Variants in SYN3 observed in about 807,000 individuals in gnomAD.
SYN3 encodes the protein synapsin-3.
Under a neutral mutation model 65.8 loss-of-function variants are expected in SYN3, and 35 were observed. That is an observed-to-expected ratio of 0.53 (90% confidence interval 0.41 to 0.70). The LOEUF (loss-of-function observed/expected upper bound fraction) is 0.70. Ranked by LOEUF, SYN3 falls within the 30% of genes least tolerant of loss-of-function variation. SYN3 has a pLI of 0.00. For missense variants in SYN3, 680 were observed against 749.0 expected (o/e 0.91, Z 1.08); for synonymous variants, 270 against 292.9 (o/e 0.92, Z 0.80).
chr22:32,802,139 C>T (rs2046605157), intron 6 of SYN3: 1 of 1,574,374 alleles, frequency 6.4e-7, no homozygotes, highest in Non-Finnish European at 8.6e-7. Context: ...GCTCCTGGTG[C>T]CCCGCCCGAG....
At chr22:32,609,826 C>A (rs543122708) in intron 6 of SYN3, among the ~76,000 whole-genome samples, 176 of 152,134 alleles carry the variant, frequency 1.2e-3, no homozygotes, top group Non-Finnish European at 2.0e-3. Flanking sequence ...TCTTGCATAA[C>A]CTTTTAATGT....
chr22:33,055,502 C>G (rs551777780), intron 1 of SYN3, among the ~76,000 whole-genome samples: 5 of 152,314 alleles, frequency 3.3e-5, no homozygotes, highest in Admixed American at 2.6e-4. Context: ...TTAAGCACAT[C>G]CACCCTTCAT....
At chr22:32,542,306 G>T (rs1048725571) in intron 7 of SYN3, among the ~76,000 whole-genome samples, 1 of 152,172 alleles carries the variant, frequency 6.6e-6, no homozygotes, top group Non-Finnish European at 1.5e-5. Context: ...GAGCGTGCAT[G>T]TGTGCATGGT....
At chr22:32,882,200 C>T (rs2049161511) in intron 4 of SYN3, among the ~76,000 whole-genome samples, 1 of 152,102 alleles carries the variant, frequency 6.6e-6, no homozygotes, top group Non-Finnish European at 1.5e-5. Context: ...CAGCCTCCTC[C>T]CCTGCCCATC....
At chr22:32,614,269 A>G (rs2059484758) in intron 6 of SYN3, among the ~76,000 whole-genome samples, 1 of 152,216 alleles carries the variant, frequency 6.6e-6, no homozygotes, top group Admixed American at 6.5e-5. Flanking sequence ...GCAGGGGTTT[A>G]ATGGGCTACC....
chr22:32,671,721 TCA>T (rs1473088313), intron 6 of SYN3, among the ~76,000 whole-genome samples: 3 of 143,098 alleles, frequency 2.1e-5, no homozygotes, highest in Admixed American at 1.4e-4. Flanking sequence ...ACACATGCTC[TCA>T]CAGGTACACA....
intron 7 of SYN3, 42 bp from the exon 8 acceptor site, chr22:32,541,755 G>T (rs1339512786): frequency 1.3e-6 from 2 of 1,594,504 alleles, no homozygotes; most frequent in Non-Finnish European, 1.7e-6. Context: ...CCCACCCCGT[G>T]TTCACTGAGC....
At chr22:32,569,533 A>G (rs1198279302) in intron 7 of SYN3, among the ~76,000 whole-genome samples, 1 of 93,906 alleles carries the variant, frequency 1.1e-5, no homozygotes, top group Non-Finnish European at 1.9e-5. Flanking sequence ...TCTAAAATCA[A>G]TCAATCTCTC....
rs144518420 is a variant in SYN3 at position 32,579,184 on chromosome 22, A to G, written c.774+17490T>C. On this transcript the variant is annotated intron_variant, in intron 7 of 13. Coordinates refer to ENST00000358763, the MANE Select transcript of SYN3 (RefSeq NM_003490.4). ...CATGAAATGTTTGCCAATATATTCA[A>G]TGAACATTTATTGACTCCTTAACTC... Among the ~76,000 whole-genome samples the G allele has an allele frequency of 3.9e-5, 6 of 152,334 alleles. No individual in the cohort carries two copies. The East Asian group carries it at 9.6e-4, about 24-fold the overall frequency.
intron 2 of SYN3, among the ~76,000 whole-genome samples, chr22:32,989,049 T>C (rs949661657): frequency 6.6e-6 from 1 of 152,158 alleles, no homozygotes; most frequent in African/African-American, 2.4e-5. Context: ...CTCTGTAACC[T>C]GCCAAGAATG....
chr22:32,704,588 T>C (rs1309966289), intron 6 of SYN3, among the ~76,000 whole-genome samples: 2 of 152,204 alleles, frequency 1.3e-5, no homozygotes, highest in South Asian at 2.1e-4. Context: ...TACCCAATAA[T>C]GGGATTGTGG....
chr22:33,045,584 C>T (rs980240820), intron 1 of SYN3, among the ~76,000 whole-genome samples: 1 of 149,524 alleles, frequency 6.7e-6, no homozygotes, highest in Admixed American at 6.8e-5. Flanking sequence ...TCTCCTGCCT[C>T]AGCCTCTCCT....
chr22:33,002,097 C>T (rs1490907495), intron 2 of SYN3, among the ~76,000 whole-genome samples: 1 of 152,178 alleles, frequency 6.6e-6, no homozygotes, highest in Non-Finnish European at 1.5e-5. Context: ...CAGACATCAA[C>T]CACTAAGCTC....
At chr22:32,827,631 C>T (rs577115848) in intron 6 of SYN3, among the ~76,000 whole-genome samples, 48 of 152,244 alleles carry the variant, frequency 3.2e-4, no homozygotes, top group African/African-American at 1.1e-3. Context: ...AATCCTTTCT[C>T]CAACAAGTAG....
intron 6 of SYN3, among the ~76,000 whole-genome samples, chr22:32,725,669 G>T (rs1014476452): frequency 4.6e-5 from 7 of 152,044 alleles, no homozygotes; most frequent in African/African-American, 1.7e-4. Flanking sequence ...CATGCAGGCG[G>T]CCTCCAGAGC....
intron 6 of SYN3, among the ~76,000 whole-genome samples, chr22:32,627,940 G>T (rs2858225): frequency 0.36 from 54,923 of 151,818 alleles, 10,521 homozygotes; most frequent in African/African-American, 0.48. Context: ...GTGATTCTCC[G>T]GCCTCAGCCT....
intron 3 of SYN3, among the ~76,000 whole-genome samples, chr22:32,938,098 G>C (rs964831082): frequency 6.6e-6 from 1 of 152,026 alleles, no homozygotes; most frequent in Non-Finnish European, 1.5e-5. Context: ...GTGGTGAAGA[G>C]AAAATCTTCA....
intron 6 of SYN3, among the ~76,000 whole-genome samples, chr22:32,650,962 A>G (rs1222662197): frequency 1.3e-5 from 2 of 152,182 alleles, no homozygotes; most frequent in African/African-American, 4.8e-5. Flanking sequence ...TTTGTGGGGA[A>G]CATACTTAGC....
At chr22:32,998,791 A>C (rs148878052) in intron 2 of SYN3, among the ~76,000 whole-genome samples, 17 of 142,252 alleles carry the variant, frequency 1.2e-4, no homozygotes, top group South Asian at 2.2e-4. Context: ...AAAAAAAAAA[A>C]AAAAAAAACA....
Sources: gnomAD v4.1 joint callset for allele counts (sites outside exome capture counted in the v4.1 genomes callset) on GRCh38, gnomAD v4.1.1 for gene constraint, MANE v1.5 for transcripts, NCBI Gene and HGNC (gene_info 2026-07-23, HGNC 2026-07-21) for gene names.